The following ADCK1 variants were observed in gnomAD, a reference collection of about 807,000 sequenced individuals.
ADCK1 encodes aarF domain-containing protein kinase 1.
In ADCK1, 41 loss-of-function variants were observed where a neutral mutation model predicts 52.3. The ratio of observed to expected loss-of-function variants is 0.78; its 90% confidence interval spans 0.61 to 1.02. ADCK1 has a LOEUF of 1.02. Ranked by LOEUF, ADCK1 falls within the 50% of genes least tolerant of loss-of-function variation. The pLI, the probability that ADCK1 is intolerant of heterozygous loss-of-function variation, is 0.00. For synonymous variants in ADCK1, 250 were observed against 274.6 expected (o/e 0.91, Z 0.89); for missense variants, 658 against 679.5 (o/e 0.97, Z 0.35).
At chr14:77,868,054 C>T (rs74919601) in intron 4 of ADCK1, among the ~76,000 whole-genome samples, 2,891 of 152,270 alleles carry the variant, frequency 0.019, 82 homozygotes, top group African/African-American at 0.066. Flanking sequence ...CCTGGTGCCT[C>T]GATCTTCCTG....
chr14:77,838,332 TC>T (rs996591586), intron 3 of ADCK1, among the ~76,000 whole-genome samples: 13 of 152,206 alleles, frequency 8.5e-5, no homozygotes, highest in Admixed American at 5.9e-4. Flanking sequence ...GCAAGGTGGT[TC>T]AGGAACTGGG....
chr14:77,911,038 T>G (rs1331204993), intron 7 of ADCK1, among the ~76,000 whole-genome samples: 1 of 152,164 alleles, frequency 6.6e-6, no homozygotes, highest in African/African-American at 2.4e-5. Flanking sequence ...CAAGCTGATA[T>G]CAGAGTTATT....
intron 8 of ADCK1, 79 bp downstream of exon 8, chr14:77,924,685 G>A (rs1299194438): frequency 1.2e-5 from 18 of 1,563,154 alleles, no homozygotes; most frequent in East Asian, 4.5e-5. Flanking sequence ...CTGCAGAACC[G>A]GGAGGGAGAT....
intron 6 of ADCK1, among the ~76,000 whole-genome samples, chr14:77,903,679 A>G (rs1164010132): frequency 6.6e-6 from 1 of 151,940 alleles, no homozygotes; most frequent in African/African-American, 2.4e-5. Context: ...AAGTGATGAG[A>G]CCATTTCTGT....
intron 4 of ADCK1, among the ~76,000 whole-genome samples, chr14:77,879,712 A>T (rs2082979115): frequency 6.6e-6 from 1 of 152,094 alleles, no homozygotes; most frequent in African/African-American, 2.4e-5. Context: ...ATTGGAAGAG[A>T]TAGGGCAGGC....
intron 3 of ADCK1, among the ~76,000 whole-genome samples, chr14:77,840,050 T>G (rs2082036550): frequency 6.6e-6 from 1 of 152,040 alleles, no homozygotes. Flanking sequence ...GCACCTTCCT[T>G]TGTCCTATCA....
At chr14:77,901,255 T>A (rs1366902285) in intron 6 of ADCK1, among the ~76,000 whole-genome samples, 2 of 151,762 alleles carry the variant, frequency 1.3e-5, no homozygotes, top group African/African-American at 4.8e-5. Context: ...TTCACCATGT[T>A]GTCAGGCTAG....
In ADCK1 at chr14:77,828,462, C is replaced by A. The variant is rs1034919763; in HGVS notation, c.219+5944C>A. Among the ~76,000 whole-genome samples the A allele has an allele frequency of 3.3e-5, 5 of 152,310 alleles. No individual in the cohort carries two copies. The East Asian group carries it at 9.6e-4, about 29-fold the overall frequency. ...CATGTTAATGATATTCTATTTTCCT[C>A]ATTTCTTCTATACATTTATTAATTG... On this transcript the variant is annotated intron_variant, in intron 3 of 10. Transcript: ENST00000238561.
At chr14:77,820,790 G>A (rs574789836) in intron 2 of ADCK1, among the ~76,000 whole-genome samples, 1 of 151,830 alleles carries the variant, frequency 6.6e-6, no homozygotes, top group South Asian at 2.1e-4. Flanking sequence ...ACAGAATCTT[G>A]CTCTGTCATC....
intron 4 of ADCK1, among the ~76,000 whole-genome samples, chr14:77,862,176 A>C (rs1488634883): frequency 6.6e-6 from 1 of 152,234 alleles, no homozygotes; most frequent in East Asian, 1.9e-4. Context: ...AAAGAAACTT[A>C]CTTTTTTTCC....
chr14:77,823,017 AAG>A (rs1415181176), intron 3 of ADCK1, among the ~76,000 whole-genome samples: 3 of 152,160 alleles, frequency 2.0e-5, no homozygotes, highest in African/African-American at 7.2e-5. Flanking sequence ...ACCCAGTTGA[AAG>A]AGGTTACTTG....
At chr14:77,810,102 A>C (rs2081309197) in intron 1 of ADCK1, among the ~76,000 whole-genome samples, 1 of 151,170 alleles carries the variant, frequency 6.6e-6, no homozygotes, top group African/African-American at 2.4e-5. Flanking sequence ...GCATTGCCTT[A>C]AAGTAGTATT....
intron 3 of ADCK1, among the ~76,000 whole-genome samples, chr14:77,842,384 A>G (rs925358441): frequency 1.3e-5 from 2 of 150,566 alleles, no homozygotes; most frequent in Non-Finnish European, 2.9e-5. Flanking sequence ...CTTTGTGCCT[A>G]TTTTAGCTGT....
chr14:77,844,919 A>T (rs934807956), intron 3 of ADCK1, among the ~76,000 whole-genome samples: 2 of 152,348 alleles, frequency 1.3e-5, no homozygotes, highest in East Asian at 3.9e-4. Flanking sequence ...ACCTGGACTC[A>T]GAGTGCGTGC....
At chr14:77,850,981 ATTGGG>A (rs898502982) in intron 3 of ADCK1, among the ~76,000 whole-genome samples, 3 of 151,410 alleles carry the variant, frequency 2.0e-5, no homozygotes, top group African/African-American at 7.3e-5. Flanking sequence ...TTATCCTTCT[ATTGGG>A]TTGGTGCAAA....
intron 1 of ADCK1, among the ~76,000 whole-genome samples, chr14:77,803,324 T>C (rs1220323044): frequency 6.6e-6 from 1 of 152,008 alleles, no homozygotes; most frequent in African/African-American, 2.4e-5. Context: ...GTAATTCTCA[T>C]TTGTGCACCA....
At chr14:77,844,819 A>G (rs1021074648) in intron 3 of ADCK1, among the ~76,000 whole-genome samples, 3 of 152,214 alleles carry the variant, frequency 2.0e-5, no homozygotes, top group African/African-American at 7.2e-5. Flanking sequence ...AGAAACATCT[A>G]GCTCTGGGAA....
At chr14:77,932,237 C>T (rs375660810) in intron 10 of ADCK1, among the ~76,000 whole-genome samples, 2 of 151,996 alleles carry the variant, frequency 1.3e-5, no homozygotes, top group Admixed American at 6.6e-5. Flanking sequence ...TTAGTAGAGA[C>T]GGGGTTTCAC....
intron 7 of ADCK1, among the ~76,000 whole-genome samples, chr14:77,915,737 A>G (rs549853885): frequency 2.0e-5 from 3 of 152,296 alleles, no homozygotes; most frequent in Admixed American, 6.5e-5. Flanking sequence ...CTGGAAATTT[A>G]TTTCCTCCAC....
Sources: allele counts gnomAD v4.1 joint callset (sites outside exome capture counted in the v4.1 genomes callset), GRCh38; gene constraint gnomAD v4.1.1; transcripts MANE v1.5; gene names NCBI Gene and HGNC (gene_info 2026-07-23, HGNC 2026-07-21).